Variants in SLC25A30 observed in about 807,000 individuals in gnomAD.
SLC25A30 encodes the protein solute carrier family 25 member 30, also known as kidney mitochondrial carrier protein 1.
SLC25A30 carries 29 observed loss-of-function variants against 42.7 expected under a neutral mutation model. The ratio of observed to expected loss-of-function variants is 0.68; its 90% CI spans 0.51 to 0.93. SLC25A30 has a LOEUF of 0.93. Among genes scored for constraint, SLC25A30 ranks in the 40% least tolerant of loss-of-function variants. The probability of loss-of-function intolerance (pLI) is 0.00; values close to 1 mark genes in which losing one functional copy is unlikely to be tolerated. For synonymous variants in SLC25A30, 124 were observed against 131.0 expected (o/e 0.95, Z 0.37); for missense variants, 300 against 359.7 (o/e 0.83, Z 1.34).
intron 1 of SLC25A30, among the ~76,000 whole-genome samples, chr13:45,417,553 G>T (rs1417543597): frequency 5.3e-5 from 8 of 152,130 alleles, no homozygotes; most frequent in Non-Finnish European, 2.9e-5. Context: ...GGGTTTAAAA[G>T]AAATCTTCGA....
Position 45,396,001 on chromosome 13 carries a change from G to A in SLC25A30, c.849C>T (p.Tyr283=), listed in dbSNP as rs764884738. ...GPWNIIFFVT[Y]EQLKKLDL is the part of the protein sequence containing the mutation. The stretch of plus-strand genomic sequence containing the variant: ...ACAAATCCAATTTCTTCAACTGCTC[G>A]TATGTCACAAAGAACTGTGGTTATG... The change falls in exon 10 of 10, where the codon TAC becomes TAT. Residue 283 remains tyrosine (Y), a synonymous_variant. Transcript: ENST00000519676. 5.1e-5 allele frequency: 83 copies of A among 1,614,036 alleles called. 1 individual carries two copies. In the East Asian group the frequency reaches 1.2e-3, roughly 23 times the overall value.
intron 1 of SLC25A30, among the ~76,000 whole-genome samples, chr13:45,415,007 G>T (rs1433000477): frequency 6.6e-6 from 1 of 152,154 alleles, no homozygotes; most frequent in East Asian, 1.9e-4. Flanking sequence ...AAATTCCAGT[G>T]TCGGGCAGTG....
intron 3 of SLC25A30, 33 bp downstream of exon 3, chr13:45,408,894 C>G (rs1360487677): frequency 6.3e-7 from 1 of 1,574,970 alleles, no homozygotes; most frequent in Admixed American, 1.8e-5. Flanking sequence ...AAACAGTGAA[C>G]AGTGACACAG....
At chr13:45,428,215 A>C in the SLC25A30 span, among the ~76,000 whole-genome samples, 1 of 147,624 alleles carries the variant, frequency 6.8e-6, no homozygotes, top group Non-Finnish European at 1.5e-5. Context: ...TTCTTTTTTT[A>C]TTTTTATTTT....
chr13:45,425,563 AATATATATAAGTATATATATAAAT>A, the SLC25A30 span, among the ~76,000 whole-genome samples: 49 of 81,584 alleles, frequency 6.0e-4, 7 homozygotes, highest in African/African-American at 2.2e-3. Context: ...TATATATATA[AATATATATAAGTATATATATAAAT>A]ATATATATAC....
chr13:45,408,532 TA>T (rs1399122367), intron 3 of SLC25A30, among the ~76,000 whole-genome samples: 2 of 152,276 alleles, frequency 1.3e-5, no homozygotes, highest in East Asian at 1.9e-4. Flanking sequence ...TACTGTTCAT[TA>T]AATACTGAAA....
At chr13:45,398,152 T>G in intron 8 of SLC25A30, 1 of 562,538 alleles carries the variant, frequency 1.8e-6, no homozygotes, top group Non-Finnish European at 2.3e-6. Context: ...TCACGTTCTT[T>G]GCAGCAACAT....
Position 45,397,247 on chromosome 13 carries a change from GA to G in SLC25A30, c.834+10del. On this transcript the variant is annotated intron_variant, in intron 9 of 9. Coordinates refer to ENST00000519676, the MANE Select transcript of SLC25A30 (RefSeq NM_001010875.4). ...ATCTTTTTTCAGATCTATTGCAACA[GA>G]AAAGGATACAATGATATTCCAAGGA... 1 of 1,575,054 alleles carries G rather than the reference GA, an allele frequency of 6.3e-7. No homozygotes were observed. Among genetic ancestry groups the G allele is most frequent in the Non-Finnish European group, 8.7e-7 (1 of 1,146,614 alleles).
chr13:45,422,368 TG>T (rs1164493048), upstream of SLC25A30, among the ~76,000 whole-genome samples: 5 of 152,136 alleles, frequency 3.3e-5, no homozygotes, highest in African/African-American at 9.7e-5. Context: ...CTGAGACATC[TG>T]GTCACCTCCT....
the SLC25A30 span, among the ~76,000 whole-genome samples, chr13:45,428,556 T>C: frequency 1.6e-5 from 2 of 126,900 alleles, no homozygotes; most frequent in Admixed American, 9.8e-5. Context: ...GGAGTCCAGC[T>C]CTGTCACCCA....
intron 3 of SLC25A30, 49 bp downstream of exon 3, chr13:45,408,878 C>T (rs758888803): frequency 6.5e-7 from 1 of 1,546,334 alleles, no homozygotes; most frequent in Admixed American, 2.0e-5. Context: ...AGTCTATACC[C>T]ATGTGAAACA....
At chr13:45,424,875 A>C in the SLC25A30 span, among the ~76,000 whole-genome samples, 1 of 46,986 alleles carries the variant, frequency 2.1e-5, no homozygotes, top group East Asian at 4.3e-4. Flanking sequence ...AATATATATA[A>C]ATATATAAAT....
At chr13:45,409,138 G>T in intron 2 of SLC25A30, 64 bp from the exon 3 acceptor site, 2 of 1,216,502 alleles carry the variant, frequency 1.6e-6, no homozygotes, top group Non-Finnish European at 2.2e-6. Flanking sequence ...GATACGTAGT[G>T]ATATATTACT....
the SLC25A30 span, among the ~76,000 whole-genome samples, chr13:45,426,422 G>C: frequency 6.6e-6 from 1 of 152,126 alleles, no homozygotes; most frequent in Non-Finnish European, 1.5e-5. Flanking sequence ...ATTTTAAATC[G>C]TTATGTAAGT....
chr13:45,431,135 C>T, the SLC25A30 span, among the ~76,000 whole-genome samples: 2 of 152,108 alleles, frequency 1.3e-5, no homozygotes, highest in Middle Eastern at 3.2e-3. Context: ...GCAACCTCTG[C>T]CTCCAGGATT....
rs1442321192 is a variant in SLC25A30 at position 45,408,923 on chromosome 13, T to C, written c.212+4A>G. The C allele has an allele frequency of 2.5e-6, 4 of 1,600,842 alleles. No individual in the cohort carries two copies. Among genetic ancestry groups the C allele is most frequent in the Non-Finnish European group, 3.4e-6 (4 of 1,173,784 alleles). ...GACACAGAAATGCATGAAGGCCTAC[T>C]CACCCCGAGTAGAGTGCTTTCAGCC... On this transcript the variant is annotated splice_donor_region_variant and intron_variant, in intron 3 of 9. Transcript: ENST00000519676.
At chr13:45,424,196 A>T in the SLC25A30 span, among the ~76,000 whole-genome samples, 4 of 54,630 alleles carry the variant, frequency 7.3e-5, no homozygotes, top group African/African-American at 8.1e-5. Flanking sequence ...TATGAATATA[A>T]ATATACATAT....
Position 45,395,714 on chromosome 13 carries a change from A to G in SLC25A30, c.*260T>C. 7.3e-7 allele frequency: 1 copy of G among 1,368,160 alleles called. No homozygotes were observed. Among genetic ancestry groups the G allele is most frequent in the Non-Finnish European group, 9.5e-7 (1 of 1,057,702 alleles). 84.8% of individuals were successfully genotyped at this position (1,368,160 alleles called of 1,614,324 possible). On this transcript the variant is annotated 3_prime_UTR_variant, in exon 10 of 10. Coordinates refer to ENST00000519676, the MANE Select transcript of SLC25A30 (RefSeq NM_001010875.4). ...AAGTTTTCTTTAGCAAGAAACATGC[A>G]TTTCACATATTATCTTTGATGTTGA...
At chr13:45,420,209 G>A (rs1883854725), upstream of SLC25A30, 4 of 152,336 alleles carry the variant, frequency 2.6e-5, no homozygotes, top group South Asian at 2.1e-4. Context: ...CCAGGGCCCA[G>A]GGCCATCTCT....
Sources: gnomAD v4.1 joint callset for allele counts (sites outside exome capture counted in the v4.1 genomes callset) on GRCh38, gnomAD v4.1.1 for gene constraint, MANE v1.5 for transcripts, NCBI Gene and HGNC (gene_info 2026-07-23, HGNC 2026-07-21) for gene names.